AGMO: variants seen among roughly 807,000 people sequenced by gnomAD.
AGMO encodes glyceryl-ether monooxygenase.
Under a neutral mutation model 60.2 loss-of-function variants are expected in AGMO, and 75 were observed. The observed-to-expected ratio is 1.25, with a 90% CI of 1.03 to 1.51. AGMO has a LOEUF of 1.51. Ranked by LOEUF, AGMO falls within the 40% of genes most tolerant of loss-of-function variation. The probability of loss-of-function intolerance (pLI) is 0.00; values close to 1 mark genes in which losing one functional copy is unlikely to be tolerated. For missense variants in AGMO, 763 were observed against 525.5 expected, an observed-to-expected ratio of 1.45 and a Z score of -4.42; for synonymous variants, 261 against 177.1, an observed-to-expected ratio of 1.47 and a Z score of -3.76.
chr7:15,323,225 T>C (rs906202466), intron 12 of AGMO, among the ~76,000 whole-genome samples: 2 of 152,146 alleles, frequency 1.3e-5, no homozygotes, highest in African/African-American at 4.8e-5. Flanking sequence ...ATTTTGCTTA[T>C]TGAATAATCA....
At chr7:15,335,432 G>C (rs1172458300) in intron 12 of AGMO, among the ~76,000 whole-genome samples, 2 of 152,118 alleles carry the variant, frequency 1.3e-5, no homozygotes, top group Admixed American at 6.6e-5. Flanking sequence ...ATAGTGGTAT[G>C]CAAAGCAATT....
the AGMO span, among the ~76,000 whole-genome samples, chr7:15,193,334 A>T: frequency 6.6e-6 from 1 of 152,304 alleles, no homozygotes; most frequent in Middle Eastern, 3.4e-3. Flanking sequence ...ATAACGTTTC[A>T]AAAATATTTT....
chr7:15,306,021 C>T (rs1563078207), intron 12 of AGMO, among the ~76,000 whole-genome samples: 1 of 151,748 alleles, frequency 6.6e-6, no homozygotes, highest in Non-Finnish European at 1.5e-5. Context: ...ATATGACTAA[C>T]ATAAATTTTA....
At chr7:15,250,556 AACACACACACACACACACACAC>A (rs35821350) in intron 12 of AGMO, among the ~76,000 whole-genome samples, 1 of 149,362 alleles carries the variant, frequency 6.7e-6, no homozygotes, top group Admixed American at 6.7e-5. Context: ...ACACACACTA[AACACACACACACACACACACAC>A]ACACACTCTG....
intron 12 of AGMO, among the ~76,000 whole-genome samples, chr7:15,271,835 T>G (rs1266303775): frequency 1.3e-5 from 2 of 152,142 alleles, no homozygotes; most frequent in East Asian, 1.9e-4. Context: ...TTTCGAGATA[T>G]TTTTCTTCAA....
intron 12 of AGMO, among the ~76,000 whole-genome samples, chr7:15,256,946 G>A (rs1783116958): frequency 6.6e-6 from 1 of 152,016 alleles, no homozygotes; most frequent in Non-Finnish European, 1.5e-5. Flanking sequence ...TAAATAAATA[G>A]GTAGGCATTC....
intron 3 of AGMO, among the ~76,000 whole-genome samples, chr7:15,466,793 C>T (rs1782304037): frequency 2.6e-5 from 4 of 152,102 alleles, no homozygotes; most frequent in Admixed American, 2.0e-4. Context: ...ACTGTGTCAG[C>T]ATTGGATAAA....
intron 12 of AGMO, among the ~76,000 whole-genome samples, chr7:15,212,937 C>T (rs73679445): frequency 0.017 from 2,567 of 151,954 alleles, 59 homozygotes; most frequent in African/African-American, 0.059. Context: ...CAACAAACGT[C>T]AGTAGTTTCA....
the AGMO span, among the ~76,000 whole-genome samples, chr7:15,128,211 G>C: frequency 6.6e-6 from 1 of 152,064 alleles, no homozygotes; most frequent in Non-Finnish European, 1.5e-5. Flanking sequence ...ATCCAAACGA[G>C]TGTGATAATA....
Position 15,508,164 on chromosome 7 carries a change from A to G in AGMO, c.409+36608T>C, listed in dbSNP as rs1783571045. Among the ~76,000 whole-genome samples, 3 of 152,132 alleles carry G rather than the reference A, an allele frequency of 2.0e-5. No homozygotes were observed. The South Asian group carries it at 6.2e-4, about 31-fold the overall frequency. On this transcript the variant is annotated intron_variant, in intron 3 of 12. Coordinates refer to ENST00000342526, the MANE Select transcript of AGMO (RefSeq NM_001004320.2). ...AGGGAAAAAAATTAGTCCCTAGAAA[A>G]TGCAAGCAGGTAAATCTAAATGAAT...
At chr7:15,466,604 C>T (rs907887277) in intron 3 of AGMO, among the ~76,000 whole-genome samples, 7 of 152,132 alleles carry the variant, frequency 4.6e-5, no homozygotes, top group African/African-American at 1.7e-4. Flanking sequence ...TAGGGCTAAA[C>T]TACCTAGGTT....
intron 12 of AGMO, among the ~76,000 whole-genome samples, chr7:15,326,836 G>T (rs1781352345): frequency 1.3e-5 from 2 of 152,114 alleles, no homozygotes; most frequent in African/African-American, 4.8e-5. Context: ...CAAAAACAGA[G>T]ATTTGGTGCC....
At chr7:15,407,557 G>A (rs1048087320) in intron 5 of AGMO, among the ~76,000 whole-genome samples, 8 of 151,504 alleles carry the variant, frequency 5.3e-5, no homozygotes, top group African/African-American at 1.7e-4. Context: ...GCTGATTCAG[G>A]GTAGTAGCAA....
chr7:15,561,511 A>T (rs1325283173), intron 1 of AGMO, among the ~76,000 whole-genome samples: 1 of 152,194 alleles, frequency 6.6e-6, no homozygotes, highest in Non-Finnish European at 1.5e-5. Context: ...CATATAAAAG[A>T]GGGAATTTAC....
chr7:15,201,618 A>C (rs938678034), intron 12 of AGMO, among the ~76,000 whole-genome samples: 1 of 152,148 alleles, frequency 6.6e-6, no homozygotes, highest in Non-Finnish European at 1.5e-5. Context: ...GGGTCATTTC[A>C]AGGAATGAGG....
At chr7:15,172,215 C>A in the AGMO span, among the ~76,000 whole-genome samples, 2 of 152,128 alleles carry the variant, frequency 1.3e-5, no homozygotes, top group Non-Finnish European at 2.9e-5. Flanking sequence ...TCGTGGTCAC[C>A]CTTTGTGTAC....
chr7:15,205,184 C>G (rs894275136), intron 12 of AGMO, among the ~76,000 whole-genome samples: 1 of 152,142 alleles, frequency 6.6e-6, no homozygotes, highest in Non-Finnish European at 1.5e-5. Context: ...AATACACTTA[C>G]TATATTTATC....
intron 2 of AGMO, among the ~76,000 whole-genome samples, chr7:15,552,409 G>A (rs1278149750): frequency 2.6e-4 from 40 of 152,152 alleles, no homozygotes; most frequent in South Asian, 8.3e-4. Context: ...GAAGATTTTC[G>A]CAACCTACTC....
chr7:15,429,376 G>A (rs1781163891), intron 4 of AGMO, among the ~76,000 whole-genome samples: 1 of 151,978 alleles, frequency 6.6e-6, no homozygotes, highest in African/African-American at 2.4e-5. Flanking sequence ...AAGGACATGT[G>A]GACAAAGAAA....
Sources: allele counts gnomAD v4.1 joint callset (sites outside exome capture counted in the v4.1 genomes callset), GRCh38; gene constraint gnomAD v4.1.1; transcripts MANE v1.5; gene names NCBI Gene and HGNC (gene_info 2026-07-23, HGNC 2026-07-21).